The following NOL10 variants were observed in gnomAD, a reference collection of about 807,000 sequenced individuals.
The protein encoded by NOL10 is nucleolar protein 10, also known as H_NH0074G24.1.
A neutral mutation model predicts 103.5 loss-of-function variants in NOL10; 58 were observed. That is an observed-to-expected ratio of 0.56 (90% CI 0.45 to 0.70). The LOEUF is 0.70. NOL10 is among the 30% of genes least tolerant of loss of function. The pLI is 0.00. For synonymous variants in NOL10, 287 were observed against 282.5 expected (o/e 1.02, Z -0.16); for missense variants, 763 against 807.3 (o/e 0.95, Z 0.67).
intron 12 of NOL10, among the ~76,000 whole-genome samples, chr2:10,652,233 C>G (rs1426943695): frequency 7.1e-6 from 1 of 141,786 alleles, no homozygotes; most frequent in Non-Finnish European, 1.5e-5. Context: ...GAGGGAGACT[C>G]TGTCTCAAAA....
intron 19 of NOL10, among the ~76,000 whole-genome samples, chr2:10,583,908 T>C (rs1370870490): frequency 6.6e-6 from 1 of 152,026 alleles, no homozygotes; most frequent in East Asian, 1.9e-4. Flanking sequence ...ACAACAAACA[T>C]GCACTGCTTT....
At position 10,589,103 on chromosome 2, in the gene NOL10, A is replaced by G; in HGVS notation, c.1784T>C (p.Ile595Thr). Residue 595 changes from isoleucine (I) to threonine (T), a missense_variant, in exon 19 of 21, where the codon ATC (isoleucine) becomes ACC (threonine). Ile to Thr is a moderately conservative substitution (Grantham distance 89). Coordinates refer to ENST00000381685, the MANE Select transcript of NOL10 (RefSeq NM_024894.4). Reference sequence around the variant, plus strand: ...GCTTCTAAATTCTTCTCCTGCTTTGATCTCATAAAACTGGGGCTTTAGGAC... The same window carrying G: ...GCTTCTAAATTCTTCTCCTGCTTTGGTCTCATAAAACTGGGGCTTTAGGAC... The part of the protein sequence containing the change: ...QTVLKPQFYE[I>T]KAGEEFRSFK... 6.2e-7 allele frequency: 1 copy of G among 1,613,896 alleles called. No homozygotes were observed. Among genetic ancestry groups the G allele is most frequent in the Non-Finnish European group, 8.5e-7 (1 of 1,179,868 alleles).
At chr2:10,665,290 G>T (rs1680500054) in intron 8 of NOL10, among the ~76,000 whole-genome samples, 1 of 152,138 alleles carries the variant, frequency 6.6e-6, no homozygotes, top group Non-Finnish European at 1.5e-5. Context: ...ATAACTTCCA[G>T]TGTAAATACA....
chr2:10,654,515 A>G lies in NOL10; in HGVS notation c.939T>C (p.His313=), dbSNP rs769432981. 2.2e-5 allele frequency: 36 copies of G among 1,602,214 alleles called. No homozygotes were observed. Among genetic ancestry groups the G allele is most frequent in the Non-Finnish European group, 2.9e-5 (34 of 1,177,184 alleles). The change falls in exon 12 of 21, where the codon CAT becomes CAC. Residue 313 remains histidine (H), a synonymous_variant. Transcript: ENST00000381685. ...GGTAGAGACAAACATCATTAAGGTC[A>G]TGCTCTGGCTCCAAGGAAGTAAATA... ...GKIFTSLEPE[H]DLNDVCLYPN...
At chr2:10,661,374 CTATT>C (rs1338924306) in intron 9 of NOL10, among the ~76,000 whole-genome samples, 1 of 151,462 alleles carries the variant, frequency 6.6e-6, no homozygotes, top group Non-Finnish European at 1.5e-5. Flanking sequence ...CATGCCCAGC[CTATT>C]TATTTATGTT....
At chr2:10,688,273 C>T (rs192846543) in intron 1 of NOL10, among the ~76,000 whole-genome samples, 102 of 152,320 alleles carry the variant, frequency 6.7e-4, no homozygotes, top group Non-Finnish European at 4.7e-4. Context: ...TGTCGCACAG[C>T]AGCCCACACA....
rs1268372574 is a variant in NOL10, at chr2:10,571,646, A to C, written c.*425T>G. Reference sequence around the variant, plus strand: ...ACAGGCAATACACAGACACCAGGTAAAACAGGGATGGTATTTCTGGATGGT... The same window carrying C: ...ACAGGCAATACACAGACACCAGGTACAACAGGGATGGTATTTCTGGATGGT... On this transcript the variant is annotated 3_prime_UTR_variant, in exon 21 of 21. Coordinates refer to ENST00000381685, the MANE Select transcript of NOL10 (RefSeq NM_024894.4). 3 of 154,940 alleles carry C rather than the reference A, an allele frequency of 1.9e-5. No homozygotes were observed. The East Asian group carries it at 5.7e-4, about 29-fold the overall frequency. The allele number at this position is 154,940 out of a possible 1,614,324, so 9.6% of individuals were successfully genotyped here.
chr2:10,641,154 C>G lies in NOL10; in HGVS notation c.1026+3166G>C, dbSNP rs1457990423. On this transcript the variant is annotated intron_variant, in intron 13 of 20. Coordinates refer to ENST00000381685, the MANE Select transcript of NOL10 (RefSeq NM_024894.4). ...TGACCAACATGGTGAAACCCCATCT[C>G]TACTAAAAATACAAAAATACAAAAA... 7.0e-5 allele frequency among the ~76,000 whole-genome samples: 10 copies of G among 142,958 alleles called. No homozygotes were observed. In the Admixed American group the frequency reaches 7.3e-4, roughly 10 times the overall value. The allele number at this position is 142,958 out of a possible 152,430, so 93.8% of individuals were successfully genotyped here.
At chr2:10,613,525 C>T (rs534748622) in intron 13 of NOL10, among the ~76,000 whole-genome samples, 1 of 152,340 alleles carries the variant, frequency 6.6e-6, no homozygotes, top group South Asian at 2.1e-4. Context: ...GCTATGGTTT[C>T]ATAACCAGGA....
intron 11 of NOL10, 91 bp from the exon 12 acceptor site, chr2:10,654,638 C>T: frequency 1.6e-6 from 1 of 639,798 alleles, no homozygotes; most frequent in Non-Finnish European, 2.7e-6. Context: ...ACCATCTACT[C>T]CTATGTAAAG....
intron 3 of NOL10, among the ~76,000 whole-genome samples, chr2:10,681,504 C>A (rs979768555): frequency 8.5e-5 from 13 of 152,116 alleles, no homozygotes; most frequent in African/African-American, 2.9e-4. Flanking sequence ...TGTTCTGTAT[C>A]TTGATAGAGC....
At chr2:10,615,967 G>A (rs1676811642) in intron 13 of NOL10, among the ~76,000 whole-genome samples, 2 of 152,100 alleles carry the variant, frequency 1.3e-5, no homozygotes, top group Admixed American at 6.6e-5. Flanking sequence ...GACAATTAAT[G>A]GCAGTCTAGA....
At chr2:10,674,123 T>G (rs929975608) in intron 4 of NOL10, among the ~76,000 whole-genome samples, 2 of 150,202 alleles carry the variant, frequency 1.3e-5, no homozygotes, top group Non-Finnish European at 3.0e-5. Context: ...GAGGCGGAGG[T>G]AGGAGGATCT....
chr2:10,585,416 G>A (rs1674975422), intron 19 of NOL10, among the ~76,000 whole-genome samples: 1 of 152,170 alleles, frequency 6.6e-6, no homozygotes, highest in Admixed American at 6.5e-5. Flanking sequence ...GTTACTATAT[G>A]ACCAGCAATT....
At position 10,663,819 on chromosome 2, in the gene NOL10, G is replaced by A. The variant is rs184246213; in HGVS notation, c.592-775C>T. On this transcript the variant is annotated intron_variant, in intron 8 of 20. Transcript: ENST00000381685. Reference sequence around the variant, plus strand: ...CAAAAAATTAGCCGGGCATGGTGGCGGGCGCTTTTAGTCCCAGCTACTTGG... The same window carrying A: ...CAAAAAATTAGCCGGGCATGGTGGCAGGCGCTTTTAGTCCCAGCTACTTGG... Among the ~76,000 whole-genome samples, 652 of 151,042 alleles carry A rather than the reference G, an allele frequency of 4.3e-3. 9 individuals carry two copies. The highest frequency in any genetic ancestry group is 0.015 in the African/African-American group (598 of 41,184).
At chr2:10,664,810 C>T (rs979905909) in intron 8 of NOL10, among the ~76,000 whole-genome samples, 3 of 152,134 alleles carry the variant, frequency 2.0e-5, no homozygotes, top group South Asian at 2.1e-4. Flanking sequence ...GCTGGGATGA[C>T]GGACGTGAGC....
At chr2:10,682,698 C>A (rs1321009154) in intron 2 of NOL10, among the ~76,000 whole-genome samples, 1 of 152,030 alleles carries the variant, frequency 6.6e-6, no homozygotes, top group African/African-American at 2.4e-5. Flanking sequence ...CCGCACTGGG[C>A]CCCTAAACCA....
chr2:10,659,772 T>A (rs1013689933), intron 9 of NOL10, among the ~76,000 whole-genome samples: 8 of 152,144 alleles, frequency 5.3e-5, no homozygotes, highest in Non-Finnish European at 5.9e-5. Context: ...TAATCTACTT[T>A]CTTCCATTTT....
intron 13 of NOL10, among the ~76,000 whole-genome samples, chr2:10,608,867 C>T (rs895613847): frequency 3.9e-5 from 6 of 152,038 alleles, no homozygotes; most frequent in African/African-American, 1.4e-4. Context: ...TATAGTCTTC[C>T]ACAGAAACTT....
Sources: allele counts gnomAD v4.1 joint callset (sites outside exome capture counted in the v4.1 genomes callset), GRCh38; gene constraint gnomAD v4.1.1; transcripts MANE v1.5; gene names NCBI Gene and HGNC (gene_info 2026-07-23, HGNC 2026-07-21).